MYO10: variants seen among roughly 807,000 people sequenced by gnomAD.
MYO10 encodes unconventional myosin-X.
MYO10 carries 133 observed loss-of-function variants against 257.3 expected under a neutral mutation model. The observed-to-expected ratio is 0.52, with a 90% CI of 0.45 to 0.60. MYO10 has a LOEUF of 0.60. Ranked by LOEUF, MYO10 falls within the 20% of genes least tolerant of loss-of-function variation. The pLI is 0.00. For missense variants in MYO10, 2,399 were observed against 2,635.7 expected, an observed-to-expected ratio of 0.91 and a Z score of 1.97; for synonymous variants, 1,104 against 1,028.6, an observed-to-expected ratio of 1.07 and a Z score of -1.40.
At chr5:16,728,230 C>CTA (rs1204721450) in intron 19 of MYO10, among the ~76,000 whole-genome samples, 1 of 152,190 alleles carries the variant, frequency 6.6e-6, no homozygotes, top group East Asian at 1.9e-4. Flanking sequence ...TGTGCATGGA[C>CTA]TACTGCACAC....
Position 16,902,427 on chromosome 5 carries a change from T to G in MYO10, c.22-24720A>C, listed in dbSNP as rs61742953. On this transcript the variant is annotated intron_variant, in intron 1 of 40. Transcript: ENST00000513610. The stretch of plus-strand genomic sequence containing the variant: ...GAGAACTGCACAACTCAGACAGTAA[T>G]GTAACTTCACATACAGCTTGGGAAG... The G allele has an allele frequency of 6.2e-4, 753 of 1,218,918 alleles. 2 individuals carry two copies. Among genetic ancestry groups the G allele is most frequent in the Non-Finnish European group, 8.3e-4 (694 of 834,206 alleles). 75.5% of individuals were successfully genotyped at this position (1,218,918 alleles called of 1,614,324 possible).
At chr5:16,913,000 A>C (rs1745710246) in intron 1 of MYO10, among the ~76,000 whole-genome samples, 1 of 152,114 alleles carries the variant, frequency 6.6e-6, no homozygotes, top group Admixed American at 6.6e-5. Flanking sequence ...AAAAAAAAAA[A>C]AAAGCCAATT....
chr5:16,730,350 G>A (rs1739533385), intron 19 of MYO10, among the ~76,000 whole-genome samples: 1 of 152,184 alleles, frequency 6.6e-6, no homozygotes, highest in Non-Finnish European at 1.5e-5. Flanking sequence ...GAGAGAGAAG[G>A]GTATGTGACA....
chr5:16,702,823 G>T, intron 23 of MYO10, 102 bp downstream of exon 23: 1 of 1,137,464 alleles, frequency 8.8e-7, no homozygotes, highest in South Asian at 1.6e-5. Flanking sequence ...CAAATTGTAG[G>T]TTCTGGGGCA....
intron 3 of MYO10, 115 bp downstream of exon 3, chr5:16,817,894 A>G: frequency 1.0e-6 from 1 of 965,484 alleles, no homozygotes; most frequent in Non-Finnish European, 1.4e-6. Flanking sequence ...TTGAAAACAT[A>G]ATTTTACTTA....
chr5:16,889,504 AAGGAAGGAAGGAAGGAAGGAAGGAAGG>A lies in MYO10; in HGVS notation c.22-11824_22-11798del, dbSNP rs1426156447. 1.2e-3 allele frequency among the ~76,000 whole-genome samples: 72 copies of A among 58,868 alleles called. 1 individual carries two copies. In the South Asian group the frequency reaches 0.025, roughly 20 times the overall value. The allele number at this position is 58,868 out of a possible 152,430, so 38.6% of individuals were successfully genotyped here. ...GAAGGAAGGAAGGAAGGAAGGAAGG[AAGGAAGGAAGGAAGGAAGGAAGGAAGG>A]AAGGGCGGACGAAAGGAAGGAAAGG... On this transcript the variant is annotated intron_variant, in intron 1 of 40. Transcript: ENST00000513610.
Position 16,665,826 on chromosome 5 carries a change from CTTATCTGT to C in MYO10, c.*858_*865del. ...ATAAATACAGTTATCTTGTAGGCTG[CTTATCTGT>C]TTATAATACAGCAGACACAGATGGC... On this transcript the variant is annotated 3_prime_UTR_variant, in exon 41 of 41. Coordinates refer to ENST00000513610, the MANE Select transcript of MYO10 (RefSeq NM_012334.3). 6.5e-6 allele frequency: 1 copy of C among 152,692 alleles called. No homozygotes were observed. Among genetic ancestry groups the C allele is most frequent in the African/African-American group, 2.4e-5 (1 of 41,550 alleles). 9.5% of individuals were successfully genotyped at this position (152,692 alleles called of 1,614,324 possible).
At chr5:16,925,710 C>A (rs1024123551) in intron 1 of MYO10, among the ~76,000 whole-genome samples, 1 of 152,268 alleles carries the variant, frequency 6.6e-6, no homozygotes, top group African/African-American at 2.4e-5. Context: ...CCGTGTCCGG[C>A]CTCAGTTTTC....
At position 16,665,852 on chromosome 5, in the gene MYO10, C is replaced by T. The variant is rs1736141451; in HGVS notation, c.*840G>A. 6.6e-6 allele frequency: 1 copy of T among 152,600 alleles called. No individual in the cohort carries two copies. Among genetic ancestry groups the T allele is most frequent in the Admixed American group, 6.5e-5 (1 of 15,272 alleles). 9.5% of individuals were successfully genotyped at this position (152,600 alleles called of 1,614,324 possible). On this transcript the variant is annotated 3_prime_UTR_variant, in exon 41 of 41. Transcript: ENST00000513610. ...TTATCTGTTTATAATACAGCAGACA[C>T]AGATGGCAGACTTTGCTACATGTAA...
At position 16,779,619 on chromosome 5, in the gene MYO10, A is replaced by C; in HGVS notation, c.856T>G (p.Tyr286Asp). ...CATCCAGACTGATTCAAGTAGTGGT[A>C]GTTTTCTGGCGTAGATAAATAAAAT... ...EEFYLSTPEN[Y>D]HYLNQSGCVE... The change falls in exon 9 of 41, where the codon TAC (tyrosine) becomes GAC (aspartate). Residue 286 changes from tyrosine to aspartate, a missense_variant. This residue lies in a region of MYO10 where 337 missense variants were observed against 446.8 expected (regional missense o/e 0.75). Transcript: ENST00000513610. The C allele has an allele frequency of 1.2e-6, 2 of 1,606,144 alleles. No individual in the cohort carries two copies. The highest frequency in any genetic ancestry group is 1.7e-6 in the Non-Finnish European group (2 of 1,177,304).
chr5:16,873,448 C>G (rs2126758227), intron 2 of MYO10, among the ~76,000 whole-genome samples: 1 of 152,302 alleles, frequency 6.6e-6, no homozygotes, highest in South Asian at 2.1e-4. Context: ...TCCAGGTGCA[C>G]AGTGCAAGCT....
intron 3 of MYO10, among the ~76,000 whole-genome samples, chr5:16,816,859 A>T (rs1246346900): frequency 1.5e-5 from 2 of 137,320 alleles, no homozygotes; most frequent in East Asian, 4.4e-4. Context: ...TCGCTCTGTC[A>T]CCCAGGCCGG....
At chr5:16,680,753 CT>C (rs1393137667) in intron 32 of MYO10, among the ~76,000 whole-genome samples, 23 of 152,180 alleles carry the variant, frequency 1.5e-4, no homozygotes, top group African/African-American at 4.6e-4. Flanking sequence ...CAGGATTTAT[CT>C]TTTACAGGTT....
intron 26 of MYO10, among the ~76,000 whole-genome samples, chr5:16,697,351 C>A (rs558885248): frequency 6.6e-6 from 1 of 151,874 alleles, no homozygotes; most frequent in East Asian, 1.9e-4. Context: ...TGGAAAAAAA[C>A]GTAAAGAAGC....
intron 3 of MYO10, among the ~76,000 whole-genome samples, chr5:16,810,583 CAA>C (rs751258483): frequency 6.6e-5 from 10 of 152,044 alleles, no homozygotes; most frequent in Non-Finnish European, 1.0e-4. Context: ...GGCTTGAGGT[CAA>C]GAGTTCAAGA....
intron 40 of MYO10, among the ~76,000 whole-genome samples, 163 bp from the exon 41 acceptor site, chr5:16,666,956 C>G (rs33273): frequency 0.44 from 66,822 of 152,050 alleles, 14,998 homozygotes; most frequent in East Asian, 0.49. Flanking sequence ...CTTTCACCTT[C>G]CTCATCAGGG....
chr5:16,772,155 G>C (rs1161655103), intron 9 of MYO10, among the ~76,000 whole-genome samples: 1 of 146,654 alleles, frequency 6.8e-6, no homozygotes, highest in African/African-American at 2.5e-5. Context: ...TTTTTGAGAT[G>C]GAGTTTCACT....
rs1399076373 is a variant in MYO10 at position 16,694,617 on chromosome 5, G to A, written c.3557-3C>T. On this transcript the variant is annotated splice_polypyrimidine_tract_variant and splice_region_variant and intron_variant, in intron 26 of 40. Transcript: ENST00000513610. ...TTTCCAAGAGTTCATCAGGCCACCTGTTCCCCGTGAGATTGGGTAGAGAGG... is the reference window on the plus strand; with the variant it reads ...TTTCCAAGAGTTCATCAGGCCACCTATTCCCCGTGAGATTGGGTAGAGAGG... 16 of 1,613,462 alleles carry A rather than the reference G, an allele frequency of 9.9e-6. No individual in the cohort carries two copies. The highest frequency in any genetic ancestry group is 1.0e-5 in the Non-Finnish European group (12 of 1,179,846).
chr5:16,833,470 C>T (rs1743218008), intron 2 of MYO10, among the ~76,000 whole-genome samples: 1 of 152,132 alleles, frequency 6.6e-6, no homozygotes, highest in Non-Finnish European at 1.5e-5. Flanking sequence ...CCTCAGCCTC[C>T]CAAAGTGCTG....
Sources: gnomAD v4.1 joint callset for allele counts (sites outside exome capture counted in the v4.1 genomes callset) on GRCh38, gnomAD v4.1.1 for gene constraint, gnomAD v4.1.1 regional missense constraint, MANE v1.5 for transcripts, NCBI Gene and HGNC (gene_info 2026-07-23, HGNC 2026-07-21) for gene names.